TNIP3: variants seen among roughly 807,000 people sequenced by gnomAD.
TNIP3 encodes TNFAIP3 interacting protein 3, also known as TNFAIP3-interacting protein 3.
A neutral mutation model predicts 54.1 loss-of-function variants in TNIP3; 34 were observed. The ratio of observed to expected loss-of-function variants is 0.63; its 90% CI spans 0.48 to 0.84. The LOEUF is 0.84. TNIP3 is among the 40% of genes least tolerant of loss of function. TNIP3 has a pLI of 0.00. For missense variants in TNIP3, 366 were observed against 387.6 expected, an observed-to-expected ratio of 0.94 and a Z score of 0.47; for synonymous variants, 134 against 136.8, an observed-to-expected ratio of 0.98 and a Z score of 0.14.
rs1243307740 is a variant in TNIP3 at position 121,132,594 on chromosome 4, C to T, written c.*37G>A. 1 of 1,606,762 alleles carries T rather than the reference C, an allele frequency of 6.2e-7. No homozygotes were observed. The highest frequency in any genetic ancestry group is 1.1e-5 in the South Asian group (1 of 90,748). Reference sequence around the variant, plus strand: ...AGAAGAGGGTCCTCAGCCACGCTCCCTCGTTGCCTGTTGTCTCTCTCTGTT... The same window carrying T: ...AGAAGAGGGTCCTCAGCCACGCTCCTTCGTTGCCTGTTGTCTCTCTCTGTT... On this transcript the variant is annotated 3_prime_UTR_variant, in exon 11 of 11. Coordinates refer to ENST00000057513, the MANE Select transcript of TNIP3 (RefSeq NM_024873.6).
chr4:121,179,054 T>C (rs1439199829), intron 3 of TNIP3, among the ~76,000 whole-genome samples: 1 of 152,094 alleles, frequency 6.6e-6, no homozygotes, highest in Non-Finnish European at 1.5e-5. Context: ...ACCAGAAAGG[T>C]TTGAATTGGG....
intron 2 of TNIP3, among the ~76,000 whole-genome samples, chr4:121,210,603 G>T (rs1395880560): frequency 6.6e-6 from 1 of 152,156 alleles, no homozygotes; most frequent in African/African-American, 2.4e-5. Context: ...AGTTCTGAAG[G>T]CTGGGAAGTT....
intron 2 of TNIP3, among the ~76,000 whole-genome samples, chr4:121,198,837 A>T (rs888211470): frequency 3.3e-5 from 5 of 152,234 alleles, no homozygotes; most frequent in Non-Finnish European, 5.9e-5. Context: ...GTTCTTTCAA[A>T]GTAATGATGG....
At chr4:121,215,406 G>C (rs1344173372) in intron 2 of TNIP3, among the ~76,000 whole-genome samples, 2 of 152,082 alleles carry the variant, frequency 1.3e-5, no homozygotes, top group East Asian at 3.9e-4. Flanking sequence ...AGAAATATTG[G>C]CCTGTAGAAT....
intron 2 of TNIP3, among the ~76,000 whole-genome samples, chr4:121,200,510 G>A (rs1038163987): frequency 6.6e-6 from 1 of 152,118 alleles, no homozygotes; most frequent in Non-Finnish European, 1.5e-5. Context: ...GTCCCTGGCA[G>A]TCTCTGGATT....
At chr4:121,197,504 C>T (rs561008525) in intron 2 of TNIP3, among the ~76,000 whole-genome samples, 3 of 148,590 alleles carry the variant, frequency 2.0e-5, no homozygotes, top group Admixed American at 6.7e-5. Flanking sequence ...TGCACTCCAG[C>T]CTGGGTGACA....
chr4:121,194,170 G>T (rs982858607), intron 2 of TNIP3, among the ~76,000 whole-genome samples: 1 of 152,014 alleles, frequency 6.6e-6, no homozygotes, highest in South Asian at 2.1e-4. Flanking sequence ...TTAAGGATAC[G>T]CATACTAAAT....
chr4:121,187,613 T>C (rs903068518), intron 2 of TNIP3, among the ~76,000 whole-genome samples: 20 of 152,250 alleles, frequency 1.3e-4, no homozygotes, highest in African/African-American at 4.8e-4. Flanking sequence ...CAGGCATTTC[T>C]GCTCTAGTTC....
At chr4:121,153,038 G>A (rs905456887) in intron 5 of TNIP3, among the ~76,000 whole-genome samples, 2 of 152,156 alleles carry the variant, frequency 1.3e-5, no homozygotes, top group Non-Finnish European at 2.9e-5. Context: ...CAGTAGTATA[G>A]TATGTAATTT....
At chr4:121,136,183 C>T (rs1457549090) in intron 10 of TNIP3, among the ~76,000 whole-genome samples, 2 of 152,104 alleles carry the variant, frequency 1.3e-5, no homozygotes, top group Non-Finnish European at 2.9e-5. Flanking sequence ...AGTACCGTGC[C>T]TTTTACTTGT....
At chr4:121,213,995 G>A (rs566325176) in intron 2 of TNIP3, among the ~76,000 whole-genome samples, 2 of 152,062 alleles carry the variant, frequency 1.3e-5, no homozygotes, top group East Asian at 3.9e-4. Flanking sequence ...TATTCCTTCC[G>A]CTCCTTTATT....
In TNIP3 at chr4:121,158,595, C is replaced by T. The variant is rs932217663; in HGVS notation, c.213+92G>A. On this transcript the variant is annotated intron_variant, in intron 3 of 10. Transcript: ENST00000057513. ...CCAACAGTTGGCTATCCACAAAGCT[C>T]TTTGTAGCTGAAATGAATGAGACTC... The T allele has an allele frequency of 6.7e-6, 7 of 1,050,498 alleles. No individual in the cohort carries two copies. In the African/African-American group the frequency reaches 1.1e-4, roughly 17 times the overall value. The allele number at this position is 1,050,498 out of a possible 1,614,324, so 65.1% of individuals were successfully genotyped here. A position where few individuals can be genotyped will look rare whatever the true frequency, so the allele number is the denominator to read the frequency against.
chr4:121,145,909 G>A (rs1729399950), intron 7 of TNIP3, among the ~76,000 whole-genome samples: 1 of 151,380 alleles, frequency 6.6e-6, no homozygotes, highest in Admixed American at 6.6e-5. Context: ...CCTGGGAGGT[G>A]GAGGTTGCGG....
intron 1 of TNIP3, among the ~76,000 whole-genome samples, chr4:121,227,150 T>TA (rs1297821911): frequency 6.6e-6 from 1 of 152,224 alleles, no homozygotes; most frequent in Admixed American, 6.5e-5. Context: ...AGCTGTAAAA[T>TA]AAAAAATGTA....
chr4:121,180,910 T>G (rs1724655413), intron 3 of TNIP3, among the ~76,000 whole-genome samples: 1 of 152,202 alleles, frequency 6.6e-6, no homozygotes. Flanking sequence ...CCTCTCAGTC[T>G]CTGTAGATGT....
At chr4:121,173,502 T>C (rs1010176221) in intron 3 of TNIP3, among the ~76,000 whole-genome samples, 1 of 152,176 alleles carries the variant, frequency 6.6e-6, no homozygotes, top group Non-Finnish European at 1.5e-5. Context: ...CTGTAATCTG[T>C]GTTTGAGTTT....
chr4:121,156,173 C>T (rs1019435781), intron 4 of TNIP3, among the ~76,000 whole-genome samples: 32 of 152,168 alleles, frequency 2.1e-4, no homozygotes, highest in African/African-American at 7.0e-4. Context: ...GCATTGTCTG[C>T]GCGAATTTCA....
chr4:121,204,698 T>C (rs1461796908), intron 2 of TNIP3, among the ~76,000 whole-genome samples: 1 of 152,164 alleles, frequency 6.6e-6, no homozygotes, highest in East Asian at 1.9e-4. Flanking sequence ...ATACTAGTAT[T>C]TTATTTATAT....
intron 1 of TNIP3, 148 bp from the exon 2 acceptor site, chr4:121,161,364 C>T: frequency 3.1e-6 from 2 of 641,108 alleles, no homozygotes; most frequent in East Asian, 2.8e-5. Flanking sequence ...TCCTCATACC[C>T]TAAGTCCTTC....
Sources: allele counts gnomAD v4.1 joint callset (sites outside exome capture counted in the v4.1 genomes callset), GRCh38; gene constraint gnomAD v4.1.1; transcripts MANE v1.5; gene names NCBI Gene and HGNC (gene_info 2026-07-23, HGNC 2026-07-21).